The following ADAMTS17 variants were observed in gnomAD, a reference collection of about 807,000 sequenced individuals.
The protein encoded by ADAMTS17 is A disintegrin and metalloproteinase with thrombospondin motifs 17.
A neutral mutation model predicts 141.5 loss-of-function variants in ADAMTS17; 113 were observed. The observed-to-expected ratio is 0.80, with a 90% CI of 0.69 to 0.93. ADAMTS17 has a LOEUF of 0.93. Among genes scored for constraint, ADAMTS17 ranks in the 40% least tolerant of loss-of-function variants. ADAMTS17 has a pLI of 0.00. For synonymous variants in ADAMTS17, 768 were observed against 630.6 expected (o/e 1.22, Z -3.27); for missense variants, 1,659 against 1,517.9 (o/e 1.09, Z -1.54).
At chr15:100,204,511 C>G (rs1043740459) in intron 7 of ADAMTS17, among the ~76,000 whole-genome samples, 3 of 152,188 alleles carry the variant, frequency 2.0e-5, no homozygotes, top group African/African-American at 7.2e-5. Context: ...TGGGTGTGAT[C>G]TGAATGGCTG....
rs1224309842 is a variant in ADAMTS17 at position 100,073,794 on chromosome 15, T to C, written c.2138-19740A>G. Reference sequence around the variant, plus strand: ...GGGGGGAGGGGGGGAGGGATAGCATTAGGAGATATACCTAATGTTAAATAA... The same window carrying C: ...GGGGGGAGGGGGGGAGGGATAGCATCAGGAGATATACCTAATGTTAAATAA... On this transcript the variant is annotated intron_variant, in intron 15 of 21. Coordinates refer to ENST00000268070, the MANE Select transcript of ADAMTS17 (RefSeq NM_139057.4). 2.0e-5 allele frequency among the ~76,000 whole-genome samples: 3 copies of C among 146,916 alleles called. No homozygotes were observed. The East Asian group carries it at 6.4e-4, about 31-fold the overall frequency.
chr15:100,132,855 A>T (rs1177006094), intron 11 of ADAMTS17, among the ~76,000 whole-genome samples: 1 of 152,204 alleles, frequency 6.6e-6, no homozygotes, highest in Non-Finnish European at 1.5e-5. Flanking sequence ...CTAGAATTGG[A>T]TAATACTGTT....
intron 3 of ADAMTS17, among the ~76,000 whole-genome samples, chr15:100,323,324 C>G (rs545240245): frequency 1.2e-3 from 180 of 152,280 alleles, no homozygotes; most frequent in Non-Finnish European, 2.1e-3. Flanking sequence ...CAAGGTCACT[C>G]AAGCTAGTGG....
rs1429094397 is a variant in ADAMTS17 at position 100,070,846 on chromosome 15, A to G, written c.2138-16792T>C. Among the ~76,000 whole-genome samples the G allele has an allele frequency of 2.7e-5, 4 of 149,820 alleles. No homozygotes were observed. In the East Asian group the frequency reaches 7.8e-4, roughly 29 times the overall value. ...CAATTAAAAGAACTAGAGAAGCAAG[A>G]GCAAACACATTCAAAAGCTAGCAGA... On this transcript the variant is annotated intron_variant, in intron 15 of 21. Coordinates refer to ENST00000268070, the MANE Select transcript of ADAMTS17 (RefSeq NM_139057.4).
chr15:100,333,459 A>C (rs2046115708), intron 2 of ADAMTS17, among the ~76,000 whole-genome samples: 1 of 152,288 alleles, frequency 6.6e-6, no homozygotes, highest in East Asian at 1.9e-4. Context: ...TCTGGGGTGG[A>C]GCCCAGGCAC....
At chr15:100,161,628 A>G (rs746589746) in intron 8 of ADAMTS17, among the ~76,000 whole-genome samples, 5 of 152,256 alleles carry the variant, frequency 3.3e-5, no homozygotes, top group Admixed American at 6.5e-5. Context: ...GCTAATCAAC[A>G]TAACAATAAT....
At chr15:100,099,633 C>T (rs2054571) in intron 14 of ADAMTS17, among the ~76,000 whole-genome samples, 65,958 of 152,062 alleles carry the variant, frequency 0.43, 15,012 homozygotes, top group Non-Finnish European at 0.5. Context: ...CTTCAAGTTC[C>T]TGGCCAGCAT....
chr15:100,199,182 A>T, intron 8 of ADAMTS17, 136 bp downstream of exon 8: 1 of 804,064 alleles, frequency 1.2e-6, no homozygotes, highest in Non-Finnish European at 2.1e-6. Context: ...ACCCTAGTGT[A>T]CTGACCTGGG....
chr15:100,026,330 T>G (rs2061514824), intron 18 of ADAMTS17, among the ~76,000 whole-genome samples: 1 of 152,266 alleles, frequency 6.6e-6, no homozygotes, highest in Non-Finnish European at 1.5e-5. Context: ...TGGCCTCTTA[T>G]GACTAGCACT....
intron 15 of ADAMTS17, among the ~76,000 whole-genome samples, chr15:100,081,786 A>G (rs982702599): frequency 1.3e-5 from 2 of 152,230 alleles, no homozygotes; most frequent in African/African-American, 2.4e-5. Flanking sequence ...AGATGTTGTC[A>G]TAAGTTGAAT....
intron 3 of ADAMTS17, among the ~76,000 whole-genome samples, chr15:100,299,628 G>A (rs894325702): frequency 2.0e-5 from 3 of 152,016 alleles, no homozygotes; most frequent in Admixed American, 1.3e-4. Flanking sequence ...AAAAGAAATC[G>A]ACGGCTTCTC....
chr15:100,209,092 T>TG (rs1404287086), intron 7 of ADAMTS17, among the ~76,000 whole-genome samples: 7 of 99,326 alleles, frequency 7.0e-5, no homozygotes, highest in Admixed American at 1.5e-4. Flanking sequence ...AGGCCATGCA[T>TG]GGAAATATTT....
rs1567423173 is a variant in ADAMTS17, at chr15:100,246,898, T to TA, written c.1075+7237_1075+7238insT. 5.3e-5 allele frequency among the ~76,000 whole-genome samples: 8 copies of TA among 150,488 alleles called. No homozygotes were observed. In the East Asian group the frequency reaches 9.8e-4, roughly 18 times the overall value. The stretch of plus-strand genomic sequence containing the variant: ...TTATTTATTTATTTATTTATTTATT[T>TA]TTTGAGACAATGTCTCTCTCTGTCG... On this transcript the variant is annotated intron_variant, in intron 7 of 21. Transcript: ENST00000268070.
At chr15:100,202,472 G>C (rs901831444) in intron 7 of ADAMTS17, among the ~76,000 whole-genome samples, 4 of 152,224 alleles carry the variant, frequency 2.6e-5, no homozygotes, top group African/African-American at 2.4e-5. Context: ...CCTGATAACA[G>C]AGCACAAGAC....
chr15:100,315,653 C>T (rs1345723045), intron 3 of ADAMTS17, among the ~76,000 whole-genome samples: 2 of 152,084 alleles, frequency 1.3e-5, no homozygotes, highest in Admixed American at 6.5e-5. Context: ...CTAGGCAACA[C>T]AATGAGACCC....
chr15:100,316,376 G>A (rs958806575), intron 3 of ADAMTS17, among the ~76,000 whole-genome samples: 1 of 152,226 alleles, frequency 6.6e-6, no homozygotes, highest in Non-Finnish European at 1.5e-5. Flanking sequence ...TGGGAGCCAA[G>A]AACCCCCGGA....
intron 7 of ADAMTS17, among the ~76,000 whole-genome samples, chr15:100,239,981 C>G (rs972546213): frequency 2.6e-5 from 4 of 152,186 alleles, no homozygotes; most frequent in Non-Finnish European, 5.9e-5. Context: ...AGATGTCTGT[C>G]TCTCCCCCAG....
intron 15 of ADAMTS17, among the ~76,000 whole-genome samples, chr15:100,094,668 T>C (rs1380289875): frequency 6.6e-6 from 1 of 152,194 alleles, no homozygotes; most frequent in Admixed American, 6.5e-5. Flanking sequence ...TCAGTTCTCT[T>C]TATGGGAGCT....
At chr15:100,251,055 A>G (rs776352297) in intron 7 of ADAMTS17, among the ~76,000 whole-genome samples, 1 of 152,218 alleles carries the variant, frequency 6.6e-6, no homozygotes, top group Non-Finnish European at 1.5e-5. Flanking sequence ...ACATATACTA[A>G]TAAAACACCA....
Sources: allele counts gnomAD v4.1 joint callset (sites outside exome capture counted in the v4.1 genomes callset), GRCh38; gene constraint gnomAD v4.1.1; transcripts MANE v1.5; gene names NCBI Gene and HGNC (gene_info 2026-07-23, HGNC 2026-07-21).